Variants in KIAA0319L observed in about 807,000 individuals in gnomAD.
The protein encoded by KIAA0319L is KIAA0319 like, also known as dyslexia-associated protein KIAA0319-like protein.
KIAA0319L carries 55 observed loss-of-function variants against 120.1 expected under a neutral mutation model. The ratio of observed to expected loss-of-function variants is 0.46; its 90% CI spans 0.37 to 0.57. The LOEUF (loss-of-function observed/expected upper bound fraction) is 0.57. Ranked by LOEUF, KIAA0319L falls within the 20% of genes least tolerant of loss-of-function variation. The probability of loss-of-function intolerance (pLI) is 0.00; values close to 1 mark genes in which losing one functional copy is unlikely to be tolerated. For synonymous variants in KIAA0319L, 398 were observed against 471.9 expected, an observed-to-expected ratio of 0.84 and a Z score of 2.03; for missense variants, 1,049 against 1,255.3, an observed-to-expected ratio of 0.84 and a Z score of 2.48.
chr1:35,479,365 G>C (rs1421071549), intron 3 of KIAA0319L, among the ~76,000 whole-genome samples, 153 bp from the exon 4 acceptor site: 1 of 152,088 alleles, frequency 6.6e-6, no homozygotes, highest in East Asian at 1.9e-4. Context: ...AAATAAAAGT[G>C]GTGTTAAATG....
intron 3 of KIAA0319L, among the ~76,000 whole-genome samples, chr1:35,500,143 C>T (rs1365739214): frequency 3.3e-5 from 5 of 152,220 alleles, no homozygotes; most frequent in Non-Finnish European, 7.3e-5. Flanking sequence ...AGTCTTCCTA[C>T]AGTCAAACCT....
chr1:35,445,641 AT>A (rs997698588), intron 16 of KIAA0319L, among the ~76,000 whole-genome samples: 6 of 152,330 alleles, frequency 3.9e-5, no homozygotes, highest in Admixed American at 1.3e-4. Context: ...AGGTACTAGT[AT>A]TTTCACAGAT....
intron 14 of KIAA0319L, 138 bp downstream of exon 14, chr1:35,450,220 A>T: frequency 9.6e-7 from 1 of 1,044,958 alleles, no homozygotes; most frequent in Non-Finnish European, 1.4e-6. Context: ...GACCCTAAGC[A>T]AGTCACTTCA....
chr1:35,521,540 G>C (rs1645913469), intron 2 of KIAA0319L, among the ~76,000 whole-genome samples: 1 of 151,376 alleles, frequency 6.6e-6, no homozygotes, highest in South Asian at 2.1e-4. Flanking sequence ...AAGCTGAGGA[G>C]GGAGAATGGC....
intron 2 of KIAA0319L, among the ~76,000 whole-genome samples, chr1:35,543,118 G>A (rs964766264): frequency 1.3e-5 from 2 of 152,184 alleles, no homozygotes; most frequent in Non-Finnish European, 2.9e-5. Context: ...ATTTCACTGA[G>A]AGAGAGACCA....
At chr1:35,552,849 A>T (rs1647358131) in intron 2 of KIAA0319L, among the ~76,000 whole-genome samples, 1 of 152,156 alleles carries the variant, frequency 6.6e-6, no homozygotes, top group Non-Finnish European at 1.5e-5. Flanking sequence ...AGGCATGCAG[A>T]TCACTTGAGG....
intron 5 of KIAA0319L, among the ~76,000 whole-genome samples, chr1:35,471,379 A>C (rs1006493432): frequency 1.3e-5 from 2 of 152,244 alleles, no homozygotes; most frequent in Non-Finnish European, 2.9e-5. Context: ...AACATGGTTC[A>C]AAAATAGCTT....
At chr1:35,451,145 G>A (rs1168029193) in intron 13 of KIAA0319L, among the ~76,000 whole-genome samples, 2 of 152,154 alleles carry the variant, frequency 1.3e-5, no homozygotes, top group Non-Finnish European at 2.9e-5. Context: ...TGGTCACTGT[G>A]CCTGTAAACT....
At position 35,453,306 on chromosome 1, in the gene KIAA0319L, C is replaced by T. The variant is rs546422817; in HGVS notation, c.1913+251G>A. Among the ~76,000 whole-genome samples the T allele has an allele frequency of 2.0e-5, 3 of 152,166 alleles. No individual in the cohort carries two copies. The highest frequency in any genetic ancestry group is 4.4e-5 in the Non-Finnish European group (3 of 68,036). On this transcript the variant is annotated intron_variant, in intron 12 of 20. Coordinates refer to ENST00000325722, the MANE Select transcript of KIAA0319L (RefSeq NM_024874.5). The surrounding 1 kb of genome is among the most constrained non-coding windows in gnomAD (Gnocchi z 4.1). ...TCTGCATTTCAGCAGATGGATTGTACCTGAAAAAGCACCAGGATCACACAG... is the reference window on the plus strand; with the variant it reads ...TCTGCATTTCAGCAGATGGATTGTATCTGAAAAAGCACCAGGATCACACAG...
chr1:35,557,425 G>A (rs947010176), upstream of KIAA0319L: 18 of 329,440 alleles, frequency 5.5e-5, no homozygotes, highest in African/African-American at 3.8e-4. Flanking sequence ...CCACCTCCCC[G>A]GGACCGACCC....
intron 2 of KIAA0319L, among the ~76,000 whole-genome samples, chr1:35,515,503 T>C (rs917807579): frequency 2.6e-5 from 4 of 152,124 alleles, no homozygotes; most frequent in South Asian, 2.1e-4. Context: ...AAGAAGTTAT[T>C]TGAAACTAAT....
intron 2 of KIAA0319L, among the ~76,000 whole-genome samples, chr1:35,543,581 C>G (rs1038655767): frequency 6.6e-6 from 1 of 152,202 alleles, no homozygotes; most frequent in Non-Finnish European, 1.5e-5. Context: ...GAAAAAGACA[C>G]CACTGGCTCT....
chr1:35,435,271 T>G, intron 20 of KIAA0319L, 190 bp from the exon 21 acceptor site: 1 of 596,754 alleles, frequency 1.7e-6, no homozygotes, highest in Admixed American at 3.0e-5. Context: ...AACAGTCCAC[T>G]AAGGGGTGTC....
chr1:35,466,505 C>T, intron 7 of KIAA0319L, 103 bp downstream of exon 7: 3 of 741,748 alleles, frequency 4.0e-6, no homozygotes, highest in South Asian at 3.3e-5. Context: ...TGAATAAATA[C>T]ATTACAAAAA....
chr1:35,485,515 T>TAAAAA (rs1644354411), intron 3 of KIAA0319L, among the ~76,000 whole-genome samples: 1 of 152,258 alleles, frequency 6.6e-6, no homozygotes, highest in African/African-American at 2.4e-5. Context: ...TGGGTTCCCT[T>TAAAAA]GGGTCCCTCC....
intron 2 of KIAA0319L, among the ~76,000 whole-genome samples, chr1:35,549,743 A>G (rs1254476063): frequency 6.6e-6 from 1 of 152,230 alleles, no homozygotes; most frequent in African/African-American, 2.4e-5. Flanking sequence ...TCTCAAAAGC[A>G]TTGGTCTCCT....
intron 4 of KIAA0319L, among the ~76,000 whole-genome samples, chr1:35,478,598 G>A (rs959461488): frequency 5.3e-5 from 8 of 152,108 alleles, no homozygotes; most frequent in African/African-American, 1.9e-4. Context: ...TTAAAATAAA[G>A]ATGCTATAAA....
chr1:35,495,006 C>CA (rs1020676049), intron 3 of KIAA0319L, among the ~76,000 whole-genome samples: 5 of 150,878 alleles, frequency 3.3e-5, no homozygotes, highest in African/African-American at 9.7e-5. Context: ...ATTCATATGC[C>CA]AAAAAAAAAT....
In KIAA0319L at chr1:35,491,609, A is replaced by C. The variant is rs1644596885; in HGVS notation, c.667-12397T>G. Among the ~76,000 whole-genome samples the C allele has an allele frequency of 2.0e-5, 3 of 152,334 alleles. No homozygotes were observed. In the South Asian group the frequency reaches 6.2e-4, roughly 32 times the overall value. ...AACTTGGATTTGTTTAAACAGGGAA[A>C]ATATTAAATGTAATATTTTAAAAAA... On this transcript the variant is annotated intron_variant, in intron 3 of 20. Coordinates refer to ENST00000325722, the MANE Select transcript of KIAA0319L (RefSeq NM_024874.5).
Sources: gnomAD v4.1 joint callset for allele counts (sites outside exome capture counted in the v4.1 genomes callset) on GRCh38, gnomAD v4.1.1 for gene constraint, Gnocchi (gnomAD v3.1) non-coding constraint, MANE v1.5 for transcripts, NCBI Gene and HGNC (gene_info 2026-07-23, HGNC 2026-07-21) for gene names.